The following LAMC2 variants were observed in gnomAD, a reference collection of about 807,000 sequenced individuals.
LAMC2 encodes the protein laminin subunit gamma-2.
A neutral mutation model predicts 140.2 loss-of-function variants in LAMC2; 97 were observed. That is an observed-to-expected ratio of 0.69 (90% CI 0.59 to 0.82). LAMC2 has a LOEUF of 0.82. Ranked by LOEUF, LAMC2 falls within the 40% of genes least tolerant of loss-of-function variation. The probability of loss-of-function intolerance (pLI) is 0.00; values close to 1 mark genes in which losing one functional copy is unlikely to be tolerated. For synonymous variants in LAMC2, 513 were observed against 540.2 expected, an observed-to-expected ratio of 0.95 and a Z score of 0.70; for missense variants, 1,402 against 1,476.1, an observed-to-expected ratio of 0.95 and a Z score of 0.82.
chr1:183,208,042 T>G lies in LAMC2; in HGVS notation c.241T>G (p.Cys81Gly). The stretch of plus-strand genomic sequence containing the variant: ...TTACCGGCACAGAGAAAGGGACCGC[T>G]GTTTGCCCTGCAATTGTAACTCCAA... ...GFYRHRERDR[C>G]LPCNCNSKGS... is the part of the protein sequence containing the mutation. Residue 81 changes from cysteine to glycine, a missense_variant, in exon 2 of 23, where the codon TGT becomes GGT. Around this residue, in one of 3 missense-constraint regions of LAMC2, gnomAD observed 723 missense variants for 783.3 expected, o/e 0.92. Transcript: ENST00000264144. The G allele has an allele frequency of 6.2e-7, 1 of 1,614,012 alleles. No homozygotes were observed. Among genetic ancestry groups the G allele is most frequent in the African/African-American group, 1.3e-5 (1 of 74,988 alleles).
chr1:183,206,601 T>C (rs1186928405), intron 1 of LAMC2, among the ~76,000 whole-genome samples: 5 of 147,068 alleles, frequency 3.4e-5, no homozygotes, highest in Non-Finnish European at 4.4e-5. Flanking sequence ...GCTGAGATCA[T>C]GCCACTGCAC....
chr1:183,252,330 G>A, the LAMC2 span: 4 of 332,486 alleles, frequency 1.2e-5, no homozygotes, highest in East Asian at 7.0e-5. Flanking sequence ...GGGAGGATGG[G>A]CACCAGAGCC....
intron 1 of LAMC2, among the ~76,000 whole-genome samples, chr1:183,204,466 AAAAAC>A (rs1403158924): frequency 6.9e-6 from 1 of 145,792 alleles, no homozygotes. Context: ...AAAAAAAAAA[AAAAAC>A]CACTACAAAA....
intron 21 of LAMC2, 40 bp downstream of exon 21, chr1:183,240,238 T>C (rs751127141): frequency 6.2e-7 from 1 of 1,614,236 alleles, no homozygotes; most frequent in South Asian, 1.1e-5. Context: ...CCCTTTCAAC[T>C]TGCCAAAATG....
rs761896396 is a variant in LAMC2 at position 183,223,319 on chromosome 1, A to G, written c.948A>G (p.Thr316=). 5 of 1,614,154 alleles carry G rather than the reference A, an allele frequency of 3.1e-6. No individual in the cohort carries two copies. In the South Asian group the frequency reaches 4.4e-5, roughly 14 times the overall value. Reference sequence around the variant, plus strand: ...CTTGTGGGCTCACCAAGACTTACACATTCAGGTAAAAAGAGAGACCATAAG... The same window carrying G: ...CTTGTGGGCTCACCAAGACTTACACGTTCAGGTAAAAAGAGAGACCATAAG... ...TLPCGLTKTY[T]FRLNEHPSNN... The change falls in exon 7 of 23, where the codon ACA becomes ACG. Residue 316 remains threonine (T), a synonymous_variant. Transcript: ENST00000264144.
chr1:183,224,181 T>C (rs1054359813), intron 7 of LAMC2, among the ~76,000 whole-genome samples: 7 of 152,044 alleles, frequency 4.6e-5, no homozygotes, highest in African/African-American at 1.7e-4. Flanking sequence ...AATGGAAAGG[T>C]CCACAGGGCT....
At chr1:183,237,616 T>C in intron 18 of LAMC2, 112 bp downstream of exon 18, 2 of 1,081,268 alleles carry the variant, frequency 1.8e-6, no homozygotes, top group South Asian at 2.7e-5. Flanking sequence ...CGGTGACTTA[T>C]CCCTGTAATC....
At chr1:183,234,504 A>G (rs1659894089) in intron 15 of LAMC2, 58 bp downstream of exon 15, 5 of 1,334,424 alleles carry the variant, frequency 3.7e-6, no homozygotes, top group South Asian at 3.6e-5. Flanking sequence ...CCAGACTTGA[A>G]TAAGAGTGTA....
Position 183,243,394 on chromosome 1 carries a change from A to G in LAMC2, c.3576A>G (p.Gln1192=). 2.5e-6 allele frequency: 4 copies of G among 1,614,238 alleles called. No homozygotes were observed. The highest frequency in any genetic ancestry group is 3.4e-6 in the Non-Finnish European group (4 of 1,180,032). Reference sequence around the variant, plus strand: ...GCTACAATACCCAGGCTCTTGAGCAACAGTGAAGCTGCCATAAATATTTCT... The same window carrying G: ...GCTACAATACCCAGGCTCTTGAGCAGCAGTGAAGCTGCCATAAATATTTCT... The part of the protein sequence containing the change: ...PGCYNTQALE[Q]Q The change falls in exon 23 of 23, where the codon CAA becomes CAG. Residue 1192 remains glutamine (Q), a synonymous_variant. Coordinates refer to ENST00000264144, the MANE Select transcript of LAMC2 (RefSeq NM_005562.3).
downstream of LAMC2, among the ~76,000 whole-genome samples, chr1:183,246,101 T>A (rs563015): frequency 6.8e-6 from 1 of 148,008 alleles, no homozygotes; most frequent in African/African-American, 2.5e-5. Context: ...ACCTGGGAGG[T>A]GGAGCTTGCA....
At chr1:183,219,904 A>G (rs1021924027) in intron 4 of LAMC2, among the ~76,000 whole-genome samples, 1 of 152,230 alleles carries the variant, frequency 6.6e-6, no homozygotes, top group African/African-American at 2.4e-5. Flanking sequence ...TGTACCTGCT[A>G]TATGTCAAGA....
chr1:183,203,966 G>A (rs1658803674), intron 1 of LAMC2, among the ~76,000 whole-genome samples: 1 of 152,162 alleles, frequency 6.6e-6, no homozygotes. Flanking sequence ...CCCTGGAACC[G>A]TAATGCAACT....
intron 9 of LAMC2, 113 bp downstream of exon 9, chr1:183,227,029 A>G (rs1206622217): frequency 1.4e-5 from 12 of 840,480 alleles, no homozygotes; most frequent in Non-Finnish European, 1.7e-5. Context: ...GATTAAGGAG[A>G]GCAGAGCTGG....
the LAMC2 span, chr1:183,252,824 G>C: frequency 1.0e-6 from 1 of 1,004,280 alleles, no homozygotes; most frequent in South Asian, 1.3e-5. Context: ...TGTCTCCCCA[G>C]CACCCCATTT....
At chr1:183,205,033 G>A (rs1658841439) in intron 1 of LAMC2, among the ~76,000 whole-genome samples, 1 of 152,164 alleles carries the variant, frequency 6.6e-6, no homozygotes, top group Non-Finnish European at 1.5e-5. Flanking sequence ...ATGTTGGCCA[G>A]GCTGGTCTCA....
At chr1:183,209,450 C>T (rs1659006069) in intron 2 of LAMC2, among the ~76,000 whole-genome samples, 1 of 152,094 alleles carries the variant, frequency 6.6e-6, no homozygotes, top group African/African-American at 2.4e-5. Flanking sequence ...CAGTCACCCC[C>T]CAAATTCACC....
the LAMC2 span, among the ~76,000 whole-genome samples, chr1:183,258,637 C>T: frequency 1.3e-5 from 2 of 152,180 alleles, no homozygotes; most frequent in Admixed American, 6.5e-5. Flanking sequence ...TTAGAAATTA[C>T]GGTTTAGGAG....
chr1:183,197,255 A>G (rs1658547672), intron 1 of LAMC2, among the ~76,000 whole-genome samples: 1 of 152,228 alleles, frequency 6.6e-6, no homozygotes, highest in African/African-American at 2.4e-5. Flanking sequence ...TCAGTGTTAA[A>G]TAGGCAGGTG....
At chr1:183,257,159 T>G in the LAMC2 span, among the ~76,000 whole-genome samples, 1 of 151,864 alleles carries the variant, frequency 6.6e-6, no homozygotes, top group Admixed American at 6.6e-5. Flanking sequence ...TTAAAATGTA[T>G]AGGCCAGGCG....
Sources: gnomAD v4.1 joint callset for allele counts (sites outside exome capture counted in the v4.1 genomes callset) on GRCh38, gnomAD v4.1.1 for gene constraint, gnomAD v4.1.1 regional missense constraint, MANE v1.5 for transcripts, NCBI Gene and HGNC (gene_info 2026-07-23, HGNC 2026-07-21) for gene names.